The following ULK4 variants were observed in gnomAD, a reference collection of about 807,000 sequenced individuals.
ULK4 encodes the protein unc-51 like kinase 4, also known as inactive serine/threonine-protein kinase ULK4.
ULK4 carries 133 observed loss-of-function variants against 160.6 expected under a neutral mutation model. The ratio of observed to expected loss-of-function variants is 0.83; its 90% CI spans 0.72 to 0.96. The LOEUF is 0.96. Among genes scored for constraint, ULK4 ranks in the 40% least tolerant of loss-of-function variants. The pLI is 0.00. For synonymous variants in ULK4, 534 were observed against 539.8 expected, an observed-to-expected ratio of 0.99 and a Z score of 0.15; for missense variants, 1,580 against 1,499.5, an observed-to-expected ratio of 1.05 and a Z score of -0.89.
At chr3:41,698,006 T>A (rs1006116078) in intron 27 of ULK4, among the ~76,000 whole-genome samples, 8 of 152,184 alleles carry the variant, frequency 5.3e-5, no homozygotes, top group Non-Finnish European at 1.0e-4. Context: ...CTTTTATTGG[T>A]ATACTCACCA....
chr3:41,918,597 T>C (rs1699056523), intron 6 of ULK4, 57 bp from the exon 7 acceptor site: 3 of 42,042 alleles, frequency 7.1e-5, no homozygotes, highest in Non-Finnish European at 1.4e-4. Context: ...CAATAATTCT[T>C]TTTTTTTTTT....
intron 16 of ULK4, among the ~76,000 whole-genome samples, chr3:41,895,044 A>C (rs1012863932): frequency 1.3e-5 from 2 of 152,218 alleles, no homozygotes; most frequent in African/African-American, 4.8e-5. Flanking sequence ...TGGCCAAGGG[A>C]AACTTCGAGG....
chr3:41,308,088 G>T (rs1396180771), intron 35 of ULK4, among the ~76,000 whole-genome samples: 1 of 152,140 alleles, frequency 6.6e-6, no homozygotes, highest in Non-Finnish European at 1.5e-5. Context: ...AGCCGAGGAA[G>T]CTTGACTTGC....
intron 22 of ULK4, among the ~76,000 whole-genome samples, chr3:41,745,255 C>T (rs75494613): frequency 0.029 from 4,398 of 151,242 alleles, 286 homozygotes; most frequent in African/African-American, 0.1. Context: ...GCTGGTCACT[C>T]AATCTCTAGC....
intron 32 of ULK4, among the ~76,000 whole-genome samples, chr3:41,522,871 C>T (rs371207552): frequency 2.6e-5 from 4 of 152,128 alleles, no homozygotes; most frequent in African/African-American, 9.7e-5. Flanking sequence ...TGGGTAAGAA[C>T]TGGTGAAAAA....
chr3:41,262,428 G>A (rs762559020), intron 35 of ULK4, among the ~76,000 whole-genome samples: 16 of 152,190 alleles, frequency 1.1e-4, no homozygotes, highest in East Asian at 1.9e-4. Flanking sequence ...GTAAGCTAGC[G>A]TTTGAATGAT....
At chr3:41,444,959 T>C (rs2083263248) in intron 34 of ULK4, among the ~76,000 whole-genome samples, 1 of 152,150 alleles carries the variant, frequency 6.6e-6, no homozygotes, top group Non-Finnish European at 1.5e-5. Flanking sequence ...GACATGATTG[T>C]ATATCTAGAA....
intron 5 of ULK4, among the ~76,000 whole-genome samples, chr3:41,928,840 GTAAT>G (rs1370228616): frequency 6.6e-6 from 1 of 151,980 alleles, no homozygotes; most frequent in Non-Finnish European, 1.5e-5. Context: ...AATTGAGGCA[GTAAT>G]TAATAGCCTA....
intron 30 of ULK4, among the ~76,000 whole-genome samples, chr3:41,642,340 T>C (rs1474484780): frequency 6.6e-6 from 1 of 151,594 alleles, no homozygotes; most frequent in East Asian, 1.9e-4. Context: ...CCCTCCCTAC[T>C]CCCCCCACCC....
chr3:41,413,871 C>T (rs1396573729), intron 34 of ULK4, among the ~76,000 whole-genome samples: 1 of 152,136 alleles, frequency 6.6e-6, no homozygotes, highest in Non-Finnish European at 1.5e-5. Flanking sequence ...CGCCCAGATA[C>T]CTTTGAACTT....
At chr3:41,816,712 T>C (rs1291357973) in intron 19 of ULK4, among the ~76,000 whole-genome samples, 1 of 152,136 alleles carries the variant, frequency 6.6e-6, no homozygotes, top group African/African-American at 2.4e-5. Context: ...CTTGGGAGGC[T>C]GAGGCAGGAG....
chr3:41,743,743 G>A lies in ULK4; in HGVS notation c.2321+10618C>T, dbSNP rs565307882. Among the ~76,000 whole-genome samples, 4 of 151,938 alleles carry A rather than the reference G, an allele frequency of 2.6e-5. No individual in the cohort carries two copies. In the East Asian group the frequency reaches 7.7e-4, roughly 29 times the overall value. ...TGCAGTGGCACAATCTTGGCTCCCT[G>A]CAACCTCCACCTCACAGGTTCAAGC... On this transcript the variant is annotated intron_variant, in intron 22 of 36. Transcript: ENST00000301831.
intron 34 of ULK4, among the ~76,000 whole-genome samples, chr3:41,405,384 G>T (rs1277946283): frequency 6.6e-6 from 1 of 152,096 alleles, no homozygotes; most frequent in African/African-American, 2.4e-5. Context: ...CTGTTGATGG[G>T]CACCTAGGTT....
chr3:41,537,126 G>C (rs1015705711), intron 32 of ULK4, among the ~76,000 whole-genome samples: 3 of 151,980 alleles, frequency 2.0e-5, no homozygotes, highest in African/African-American at 7.3e-5. Flanking sequence ...AAATTCCTCT[G>C]GTGTGGTGTC....
chr3:41,653,481 G>T (rs767784074), intron 30 of ULK4, among the ~76,000 whole-genome samples: 20 of 152,036 alleles, frequency 1.3e-4, no homozygotes, highest in Non-Finnish European at 1.8e-4. Flanking sequence ...ATTGTCTCCT[G>T]ATCTACTGGC....
At chr3:41,343,143 T>A in intron 35 of ULK4, among the ~76,000 whole-genome samples, 1 of 152,082 alleles carries the variant, frequency 6.6e-6, no homozygotes, top group African/African-American at 2.4e-5. Flanking sequence ...TCACCACTCC[T>A]ATTCAAGATA....
At chr3:41,597,868 T>C (rs2031798132) in intron 31 of ULK4, among the ~76,000 whole-genome samples, 1 of 152,176 alleles carries the variant, frequency 6.6e-6, no homozygotes, top group South Asian at 2.1e-4. Context: ...CAATTTGCAA[T>C]GCAACACGTG....
chr3:41,452,044 C>T (rs1431192283), intron 34 of ULK4, among the ~76,000 whole-genome samples: 1 of 152,182 alleles, frequency 6.6e-6, no homozygotes, highest in Non-Finnish European at 1.5e-5. Flanking sequence ...ACTCACCTTC[C>T]TCCCTGATTA....
chr3:41,762,640 C>G (rs1186160605), intron 21 of ULK4, among the ~76,000 whole-genome samples: 1 of 149,050 alleles, frequency 6.7e-6, no homozygotes, highest in African/African-American at 2.5e-5. Flanking sequence ...AGCAAGAGAG[C>G]CAGGAAGTGT....
Sources: allele counts gnomAD v4.1 joint callset (sites outside exome capture counted in the v4.1 genomes callset), GRCh38; gene constraint gnomAD v4.1.1; transcripts MANE v1.5; gene names NCBI Gene and HGNC (gene_info 2026-07-23, HGNC 2026-07-21).